The following WDR70 variants were observed in gnomAD, a reference collection of about 807,000 sequenced individuals.
WDR70 encodes the protein WD repeat domain 70, also known as WD repeat-containing protein 70.
Under a neutral mutation model 88.6 loss-of-function variants are expected in WDR70, and 53 were observed. The observed-to-expected ratio is 0.60, with a 90% CI of 0.48 to 0.75. The LOEUF is 0.75. WDR70 is among the 30% of genes least tolerant of loss of function. The probability of loss-of-function intolerance (pLI) is 0.00; values close to 1 mark genes in which losing one functional copy is unlikely to be tolerated. For missense variants in WDR70, 610 were observed against 823.2 expected, an observed-to-expected ratio of 0.74 and a Z score of 3.17; for synonymous variants, 280 against 270.0, an observed-to-expected ratio of 1.04 and a Z score of -0.36.
In WDR70 at chr5:37,409,694, G is replaced by A. The variant is rs541224910; in HGVS notation, c.492+13124G>A. Among the ~76,000 whole-genome samples, 262 of 151,914 alleles carry A rather than the reference G, an allele frequency of 1.7e-3. 1 individual carries two copies. The highest frequency in any genetic ancestry group is 2.7e-3 in the Non-Finnish European group (182 of 67,956). On this transcript the variant is annotated intron_variant, in intron 5 of 17. Transcript: ENST00000265107. Reference sequence around the variant, plus strand: ...TAATTTTTGTATTTTTAGTAGAGACGGGTTTTCACCATGCTGGCCGGGCTG... The same window carrying A: ...TAATTTTTGTATTTTTAGTAGAGACAGGTTTTCACCATGCTGGCCGGGCTG...
At position 37,752,521 on chromosome 5, in the gene WDR70, C is replaced by G. The variant is rs1748844396; in HGVS notation, c.1913C>G (p.Ser638Cys). The change falls in exon 18 of 18, where the codon TCT becomes TGT. Residue 638 changes from serine (S) to cysteine (C), a missense_variant. Physicochemically the swap from Ser to Cys is moderately radical, Grantham distance 112 (BLOSUM62 -1). Transcript: ENST00000265107. ...AAAACCATGTTTGCCCAAGTTGAAT[C>G]TGATGATGAGGAAGCAAAGAATGAG... is the stretch of plus-strand genomic sequence containing the variant. ...QPKTMFAQVE[S>C]DDEEAKNEPE... is the part of the protein sequence containing the mutation. 3.1e-6 allele frequency: 5 copies of G among 1,612,388 alleles called. No individual in the cohort carries two copies. In the South Asian group the frequency reaches 5.5e-5, roughly 18 times the overall value.
At chr5:37,648,937 C>G (rs951218509) in intron 10 of WDR70, among the ~76,000 whole-genome samples, 1 of 152,084 alleles carries the variant, frequency 6.6e-6, no homozygotes, top group African/African-American at 2.4e-5. Flanking sequence ...ATAACATTGT[C>G]AATGGACTCA....
chr5:37,745,978 C>A (rs1043115477), intron 17 of WDR70, among the ~76,000 whole-genome samples: 3 of 152,190 alleles, frequency 2.0e-5, no homozygotes, highest in Admixed American at 2.0e-4. Flanking sequence ...ATACATTCTT[C>A]TCATTTCCAC....
At position 37,391,992 on chromosome 5, in the gene WDR70, C is replaced by T; in HGVS notation, c.176-8C>T. Reference sequence around the variant, plus strand: ...ATTTTTTTGTTAATCTTTTTTTAATCTTTTCAGAAGCAAGAGAAAAAGAGG... The same window carrying T: ...ATTTTTTTGTTAATCTTTTTTTAATTTTTTCAGAAGCAAGAGAAAAAGAGG... On this transcript the variant is annotated splice_region_variant and splice_polypyrimidine_tract_variant and intron_variant, in intron 3 of 17. Transcript: ENST00000265107. 6.3e-7 allele frequency: 1 copy of T among 1,581,408 alleles called. No homozygotes were observed. Among genetic ancestry groups the T allele is most frequent in the Non-Finnish European group, 8.5e-7 (1 of 1,170,184 alleles).
At chr5:37,379,418 C>A in intron 1 of WDR70, 26 bp downstream of exon 1, 1 of 1,613,526 alleles carries the variant, frequency 6.2e-7, no homozygotes, top group Non-Finnish European at 8.5e-7. Context: ...CGAGTCCGGG[C>A]GGGGTGGGCC....
chr5:37,557,901 A>ATACTCTTTTGTATACTCTACAAAAGAG (rs1742339068), intron 9 of WDR70, among the ~76,000 whole-genome samples: 1 of 30,806 alleles, frequency 3.2e-5, no homozygotes, highest in Non-Finnish European at 6.7e-5. Context: ...CTTCAGATTT[A>ATACTCTTTTGTATACTCTACAAAAGAG]TACTCTTTTG....
intron 9 of WDR70, among the ~76,000 whole-genome samples, chr5:37,562,584 C>T (rs1305439355): frequency 9.9e-5 from 15 of 152,116 alleles, no homozygotes; most frequent in Admixed American, 3.3e-4. Flanking sequence ...GAGGACCCTG[C>T]GGCCTTCCGG....
chr5:37,722,938 A>G lies in WDR70; in HGVS notation c.1597+4A>G. The G allele has an allele frequency of 6.2e-7, 1 of 1,613,436 alleles. No homozygotes were observed. The stretch of plus-strand genomic sequence containing the variant: ...ACTCAGGACTACATCATCACCCGTA[A>G]GTCGTTAACATGCCTCTCAATCATG... On this transcript the variant is annotated splice_donor_region_variant and intron_variant, in intron 15 of 17. Transcript: ENST00000265107.
At chr5:37,637,388 A>G (rs1745002962) in intron 10 of WDR70, among the ~76,000 whole-genome samples, 1 of 151,282 alleles carries the variant, frequency 6.6e-6, no homozygotes. Flanking sequence ...AAAGATTTAT[A>G]AATAGTATTT....
intron 9 of WDR70, among the ~76,000 whole-genome samples, chr5:37,556,997 G>T (rs563286606): frequency 6.6e-6 from 1 of 152,138 alleles, no homozygotes; most frequent in South Asian, 2.1e-4. Context: ...GGTTTCACTG[G>T]GCTTAATATT....
chr5:37,522,919 A>T (rs1741141509), intron 9 of WDR70, among the ~76,000 whole-genome samples: 1 of 152,246 alleles, frequency 6.6e-6, no homozygotes, highest in African/African-American at 2.4e-5. Context: ...GCAAGGTGGC[A>T]GCGAGGCTGG....
rs115021009 is a variant in WDR70 at position 37,728,877 on chromosome 5, T to C, written c.1877+1832T>C. On this transcript the variant is annotated intron_variant, in intron 17 of 17. Transcript: ENST00000265107. ...TACTATGGTGTTTGCCTAAGGGTGA[T>C]TTTCTGTTTCCCTCTTTTCTTCTGT... Among the ~76,000 whole-genome samples the C allele has an allele frequency of 4.7e-3, 710 of 152,302 alleles. 11 individuals are homozygous for C. Among genetic ancestry groups the C allele is most frequent in the African/African-American group, 0.016 (686 of 41,580 alleles).
chr5:37,680,135 G>A (rs945878564), intron 10 of WDR70, among the ~76,000 whole-genome samples: 3 of 150,244 alleles, frequency 2.0e-5, no homozygotes, highest in Non-Finnish European at 4.4e-5. Flanking sequence ...ATTTGCATTT[G>A]TCTAACCATC....
At chr5:37,392,179 T>G (rs1748850823) in intron 4 of WDR70, 59 bp downstream of exon 4, 3 of 1,155,570 alleles carry the variant, frequency 2.6e-6, no homozygotes, top group East Asian at 2.9e-5. Flanking sequence ...TTTATAGAGT[T>G]TTTTTTTTTT....
intron 3 of WDR70, among the ~76,000 whole-genome samples, chr5:37,382,402 GTTTT>G (rs1748455294): frequency 6.6e-6 from 1 of 150,732 alleles, no homozygotes; most frequent in Admixed American, 6.6e-5. Context: ...CCCGCTTTTT[GTTTT>G]TTTGTTTTGT....
chr5:37,430,063 T>A (rs1409823477), intron 5 of WDR70, among the ~76,000 whole-genome samples: 1 of 152,242 alleles, frequency 6.6e-6, no homozygotes, highest in Non-Finnish European at 1.5e-5. Flanking sequence ...GCACATATTT[T>A]AAAAAATTAT....
chr5:37,563,932 G>A (rs1448457058), intron 9 of WDR70, among the ~76,000 whole-genome samples: 4 of 141,684 alleles, frequency 2.8e-5, no homozygotes, highest in African/African-American at 7.5e-5. Context: ...CAGACGGGGC[G>A]GCAGGGCAGA....
chr5:37,614,111 T>A (rs572068087), intron 10 of WDR70, among the ~76,000 whole-genome samples: 1 of 152,326 alleles, frequency 6.6e-6, no homozygotes, highest in South Asian at 2.1e-4. Flanking sequence ...GGCTAAAGTC[T>A]CTTTGGGCTA....
At chr5:37,700,685 T>C (rs1747133875) in intron 11 of WDR70, among the ~76,000 whole-genome samples, 1 of 152,200 alleles carries the variant, frequency 6.6e-6, no homozygotes, top group South Asian at 2.1e-4. Flanking sequence ...AAGTAACGTA[T>C]GCTCAAATAC....
Sources: gnomAD v4.1 joint callset for allele counts (sites outside exome capture counted in the v4.1 genomes callset) on GRCh38, gnomAD v4.1.1 for gene constraint, MANE v1.5 for transcripts, NCBI Gene and HGNC (gene_info 2026-07-23, HGNC 2026-07-21) for gene names.